The following SDK1 variants were observed in gnomAD, a reference collection of about 807,000 sequenced individuals.
The protein encoded by SDK1 is protein sidekick-1.
Under a neutral mutation model 245.5 loss-of-function variants are expected in SDK1, and 157 were observed. The ratio of observed to expected loss-of-function variants is 0.64; its 90% CI spans 0.56 to 0.73. The LOEUF (loss-of-function observed/expected upper bound fraction) is 0.73. Among genes scored for constraint, SDK1 ranks in the 30% least tolerant of loss-of-function variants. The pLI is 0.00. For missense variants in SDK1, 3,583 were observed against 3,002.3 expected (o/e 1.19, Z -4.52); for synonymous variants, 1,647 against 1,278.5 (o/e 1.29, Z -6.15).
chr7:3,641,753 C>T (rs557247437), intron 3 of SDK1, among the ~76,000 whole-genome samples: 111 of 152,298 alleles, frequency 7.3e-4, no homozygotes, highest in African/African-American at 2.3e-3. Flanking sequence ...GCAGCGTGGG[C>T]GCTTTGGAGG....
At chr7:3,502,830 G>T (rs941587640) in intron 1 of SDK1, among the ~76,000 whole-genome samples, 2 of 152,082 alleles carry the variant, frequency 1.3e-5, no homozygotes, top group Non-Finnish European at 2.9e-5. Context: ...TTCAGCTTTT[G>T]ATTTTCTGAA....
At chr7:3,529,281 C>G (rs976481778) in intron 1 of SDK1, among the ~76,000 whole-genome samples, 1 of 152,144 alleles carries the variant, frequency 6.6e-6, no homozygotes, top group African/African-American at 2.4e-5. Flanking sequence ...TGCCAACTGC[C>G]TAGATTCTGG....
At chr7:3,358,846 A>G (rs896870294) in intron 1 of SDK1, among the ~76,000 whole-genome samples, 1 of 152,220 alleles carries the variant, frequency 6.6e-6, no homozygotes. Context: ...CATTTTAACT[A>G]TTATTTCCTC....
At chr7:4,071,937 C>T (rs1483604906) in intron 20 of SDK1, among the ~76,000 whole-genome samples, 1 of 152,184 alleles carries the variant, frequency 6.6e-6, no homozygotes, top group Non-Finnish European at 1.5e-5. Flanking sequence ...CACGTTAGCC[C>T]CTGCCCTGCC....
At chr7:3,460,929 A>C (rs1364941382) in intron 1 of SDK1, among the ~76,000 whole-genome samples, 1 of 152,226 alleles carries the variant, frequency 6.6e-6, no homozygotes, top group Non-Finnish European at 1.5e-5. Flanking sequence ...TCTTTGACAG[A>C]GACACGTTTC....
intron 4 of SDK1, among the ~76,000 whole-genome samples, chr7:3,647,208 G>C (rs555088652): frequency 1.3e-5 from 2 of 152,210 alleles, no homozygotes; most frequent in African/African-American, 4.8e-5. Context: ...CTGTGATCAC[G>C]CTATAGCAGT....
rs1782033897 is a variant in SDK1, at chr7:4,174,219, C to T, written c.4801-3C>T. 1.2e-6 allele frequency: 2 copies of T among 1,613,720 alleles called. No individual in the cohort carries two copies. The highest frequency in any genetic ancestry group is 1.1e-5 in the South Asian group (1 of 91,062). On this transcript the variant is annotated splice_region_variant and splice_polypyrimidine_tract_variant and intron_variant, in intron 32 of 44. Coordinates refer to ENST00000404826, the MANE Select transcript of SDK1 (RefSeq NM_152744.4). ...TGGCTGAGTCGGTGTGATGTCTTTG[C>T]AGCCTCCGAGGGACGAAAGCCTGAA...
intron 4 of SDK1, among the ~76,000 whole-genome samples, chr7:3,761,260 CTT>C (rs71029692): frequency 2.5e-4 from 23 of 93,718 alleles, no homozygotes; most frequent in South Asian, 8.6e-4. Flanking sequence ...GCCCCCCCTC[CTT>C]TTTTTTTTTT....
At chr7:3,364,558 T>C (rs1031620797) in intron 1 of SDK1, among the ~76,000 whole-genome samples, 1 of 152,216 alleles carries the variant, frequency 6.6e-6, no homozygotes, top group African/African-American at 2.4e-5. Flanking sequence ...ATTGAATTTT[T>C]TTTGCACCTC....
At chr7:3,824,020 G>T (rs1583451836) in intron 5 of SDK1, among the ~76,000 whole-genome samples, 1 of 145,560 alleles carries the variant, frequency 6.9e-6, no homozygotes, top group Middle Eastern at 3.5e-3. Context: ...CAGAAGTCTT[G>T]ATTAATCTGC....
chr7:3,750,823 ATC>A (rs1324726646), intron 4 of SDK1, among the ~76,000 whole-genome samples: 1 of 152,206 alleles, frequency 6.6e-6, no homozygotes, highest in Non-Finnish European at 1.5e-5. Flanking sequence ...GGATACGACA[ATC>A]TCTAATCCTG....
chr7:3,782,106 T>A (rs2115013205), intron 4 of SDK1, among the ~76,000 whole-genome samples: 1 of 152,320 alleles, frequency 6.6e-6, no homozygotes, highest in South Asian at 2.1e-4. Flanking sequence ...GGGTAATTTA[T>A]GAGGAAAAGA....
chr7:3,473,677 A>AT (rs10715062), intron 1 of SDK1, among the ~76,000 whole-genome samples: 35 of 149,852 alleles, frequency 2.3e-4, no homozygotes, highest in African/African-American at 4.2e-4. Context: ...ATCTTGAATT[A>AT]TTTTTTTTTT....
At chr7:3,945,964 AAAAAAAGG>A (rs148485687) in intron 5 of SDK1, among the ~76,000 whole-genome samples, 36,023 of 143,444 alleles carry the variant, frequency 0.25, 4,732 homozygotes, top group Middle Eastern at 0.4. Context: ...TTCCAAAATT[AAAAAAAGG>A]AAAATATTGG....
intron 17 of SDK1, among the ~76,000 whole-genome samples, chr7:4,028,417 C>T (rs1409275503): frequency 6.6e-6 from 1 of 152,214 alleles, no homozygotes; most frequent in Non-Finnish European, 1.5e-5. Flanking sequence ...CATGTGACAT[C>T]ACCACGTGTG....
intron 5 of SDK1, among the ~76,000 whole-genome samples, chr7:3,900,961 C>G (rs569618821): frequency 2.6e-5 from 4 of 152,062 alleles, no homozygotes; most frequent in Non-Finnish European, 5.9e-5. Flanking sequence ...AAAAAAAGAC[C>G]TTTATGGCTT....
chr7:4,096,558 C>G (rs12537309), intron 22 of SDK1, among the ~76,000 whole-genome samples: 1 of 152,104 alleles, frequency 6.6e-6, no homozygotes, highest in Admixed American at 6.5e-5. Context: ...GTTCATTTAA[C>G]GCTTTAGCAT....
At chr7:3,335,907 A>T (rs1053278857) in intron 1 of SDK1, among the ~76,000 whole-genome samples, 2 of 150,170 alleles carry the variant, frequency 1.3e-5, no homozygotes, top group African/African-American at 5.1e-5. Context: ...ACAAAGAAGC[A>T]TAGGAAGATG....
At chr7:4,066,329 G>A (rs1779897238) in intron 19 of SDK1, among the ~76,000 whole-genome samples, 1 of 152,192 alleles carries the variant, frequency 6.6e-6, no homozygotes, top group African/African-American at 2.4e-5. Flanking sequence ...CTGTGTTTGT[G>A]TTTGCTGCTG....
Sources: allele counts gnomAD v4.1 joint callset (sites outside exome capture counted in the v4.1 genomes callset), GRCh38; gene constraint gnomAD v4.1.1; transcripts MANE v1.5; gene names NCBI Gene and HGNC (gene_info 2026-07-23, HGNC 2026-07-21).